GABRG3: variants seen among roughly 807,000 people sequenced by gnomAD.
GABRG3 encodes the protein gamma-aminobutyric acid type A receptor subunit gamma3.
In GABRG3, 25 loss-of-function variants were observed where a neutral mutation model predicts 48.8. That is an observed-to-expected ratio of 0.51 (90% CI 0.37 to 0.72). The LOEUF is 0.72. GABRG3 is among the 30% of genes least tolerant of loss of function. The probability of loss-of-function intolerance (pLI) is 0.00; values close to 1 mark genes in which losing one functional copy is unlikely to be tolerated. For synonymous variants in GABRG3, 227 were observed against 217.6 expected, an observed-to-expected ratio of 1.04 and a Z score of -0.38; for missense variants, 394 against 577.9, an observed-to-expected ratio of 0.68 and a Z score of 3.26.
At chr15:27,188,084 T>C (rs1414609990) in intron 3 of GABRG3, among the ~76,000 whole-genome samples, 1 of 152,118 alleles carries the variant, frequency 6.6e-6, no homozygotes, top group Non-Finnish European at 1.5e-5. Flanking sequence ...TGCATAGTAT[T>C]CCATGGTGTA....
intron 3 of GABRG3, among the ~76,000 whole-genome samples, chr15:27,255,571 T>C (rs1890586230): frequency 6.6e-6 from 1 of 152,156 alleles, no homozygotes; most frequent in Admixed American, 6.5e-5. Flanking sequence ...AAATGGCAGC[T>C]TGTATTCCAT....
intron 2 of GABRG3, among the ~76,000 whole-genome samples, chr15:26,986,109 T>C (rs145242608): frequency 5.1e-4 from 78 of 152,316 alleles, no homozygotes; most frequent in African/African-American, 1.8e-3. Context: ...TAGCTGTTCA[T>C]GTAGTTCAGC....
chr15:27,118,732 A>G (rs550916883), intron 3 of GABRG3, among the ~76,000 whole-genome samples: 7 of 152,132 alleles, frequency 4.6e-5, no homozygotes, highest in African/African-American at 1.5e-4. Context: ...TTTAAAAACC[A>G]TACCCTTCAT....
chr15:27,495,326 T>C (rs1385512947), intron 6 of GABRG3, among the ~76,000 whole-genome samples: 2 of 152,240 alleles, frequency 1.3e-5, no homozygotes, highest in African/African-American at 4.8e-5. Context: ...TTGCATAATA[T>C]TCCATTGTAA....
intron 3 of GABRG3, among the ~76,000 whole-genome samples, chr15:27,224,711 TAAG>T (rs1889557262): frequency 6.6e-6 from 1 of 152,240 alleles, no homozygotes; most frequent in Admixed American, 6.5e-5. Flanking sequence ...ATGGAAAGGT[TAAG>T]AAGTAACAGA....
intron 3 of GABRG3, among the ~76,000 whole-genome samples, chr15:27,174,078 G>A (rs140126268): frequency 2.0e-5 from 3 of 151,890 alleles, no homozygotes; most frequent in African/African-American, 4.8e-5. Flanking sequence ...AGAATTCATT[G>A]CTAAAAAATA....
chr15:27,524,663 A>T (rs1416900787), intron 7 of GABRG3, among the ~76,000 whole-genome samples: 1 of 152,122 alleles, frequency 6.6e-6, no homozygotes, highest in Non-Finnish European at 1.5e-5. Context: ...ATGCTAAATT[A>T]TGTATTTATA....
intron 6 of GABRG3, among the ~76,000 whole-genome samples, chr15:27,501,380 G>T (rs746222300): frequency 3.9e-5 from 6 of 152,180 alleles, no homozygotes; most frequent in Non-Finnish European, 7.3e-5. Flanking sequence ...AGCTCTACAA[G>T]TCTTCCTGGA....
intron 3 of GABRG3, among the ~76,000 whole-genome samples, chr15:27,035,098 C>T (rs751802930): frequency 3.9e-5 from 6 of 152,192 alleles, no homozygotes; most frequent in South Asian, 2.1e-4. Flanking sequence ...AGGACCACCA[C>T]GCACATGTCT....
chr15:27,012,525 C>T (rs902143470), intron 2 of GABRG3, among the ~76,000 whole-genome samples: 3 of 151,974 alleles, frequency 2.0e-5, no homozygotes, highest in African/African-American at 7.3e-5. Context: ...TTGTGGGATG[C>T]ATTATATATG....
chr15:27,214,323 G>A (rs949243198), intron 3 of GABRG3, among the ~76,000 whole-genome samples: 5 of 152,230 alleles, frequency 3.3e-5, no homozygotes, highest in African/African-American at 1.2e-4. Flanking sequence ...ATGAGATGCC[G>A]ACAAGGCCCC....
intron 5 of GABRG3, among the ~76,000 whole-genome samples, chr15:27,399,935 T>C (rs535826424): frequency 1.3e-5 from 2 of 152,304 alleles, no homozygotes; most frequent in African/African-American, 4.8e-5. Context: ...GCTGGTGAAA[T>C]ATAAGCAGGA....
At chr15:27,421,439 T>C (rs1888109670) in intron 5 of GABRG3, among the ~76,000 whole-genome samples, 1 of 152,140 alleles carries the variant, frequency 6.6e-6, no homozygotes, top group South Asian at 2.1e-4. Flanking sequence ...AAGGCATCCA[T>C]GGAGTGGGCT....
At chr15:27,505,143 T>C (rs924694229) in intron 6 of GABRG3, among the ~76,000 whole-genome samples, 1 of 152,198 alleles carries the variant, frequency 6.6e-6, no homozygotes, top group Non-Finnish European at 1.5e-5. Context: ...TAATTTGTTT[T>C]TTTTATGACC....
At position 27,313,307 on chromosome 15, in the gene GABRG3, T is replaced by C. The variant is rs190161934; in HGVS notation, c.271-13502T>C. ...ATATATATATATATATATATATATA[T>C]ATACCCAACATCAGCACACCAAAAT... On this transcript the variant is annotated intron_variant, in intron 3 of 9. Transcript: ENST00000615808. Among the ~76,000 whole-genome samples, 317 of 98,926 alleles carry C rather than the reference T, an allele frequency of 3.2e-3. 7 individuals carry two copies. Among genetic ancestry groups the C allele is most frequent in the East Asian group, 0.019 (61 of 3,230 alleles). The allele number at this position is 98,926 out of a possible 152,430, so 64.9% of individuals were successfully genotyped here.
chr15:27,456,694 T>C (rs1316876388), intron 5 of GABRG3, among the ~76,000 whole-genome samples: 1 of 152,084 alleles, frequency 6.6e-6, no homozygotes, highest in African/African-American at 2.4e-5. Flanking sequence ...GCAGGGCTCA[T>C]AGCGGAGGAA....
rs1451411062 is a variant in GABRG3, at chr15:27,527,969, C to A, written c.1099C>A (p.Arg367=). Residue 367 remains arginine, a synonymous_variant, in exon 9 of 10, where the codon CGA becomes AGA. Transcript: ENST00000615808. ...HPDSSRWIPE[R]ISLQAPSNYS... is the part of the protein sequence containing the mutation. ...AGATTCCTCAAGATGGATTCCTGAG[C>A]GAATAAGCCTACAAGCCCCTTCCGT... is the stretch of plus-strand genomic sequence containing the variant. 3.1e-6 allele frequency: 5 copies of A among 1,597,608 alleles called. No homozygotes were observed. Among genetic ancestry groups the A allele is most frequent in the Non-Finnish European group, 2.6e-6 (3 of 1,171,078 alleles).
chr15:26,991,474 AT>A (rs569626905), intron 2 of GABRG3, among the ~76,000 whole-genome samples: 24 of 152,012 alleles, frequency 1.6e-4, no homozygotes, highest in African/African-American at 4.8e-4. Context: ...TGTCATTGGT[AT>A]TTTGATAGGG....
At chr15:27,201,470 T>G in intron 3 of GABRG3, among the ~76,000 whole-genome samples, 12 of 136,724 alleles carry the variant, frequency 8.8e-5, no homozygotes, top group East Asian at 2.2e-4. Flanking sequence ...AAAAGGAGGA[T>G]GAGGAGGAAA....
Sources: allele counts gnomAD v4.1 joint callset (sites outside exome capture counted in the v4.1 genomes callset), GRCh38; gene constraint gnomAD v4.1.1; transcripts MANE v1.5; gene names NCBI Gene and HGNC (gene_info 2026-07-23, HGNC 2026-07-21).